Variants in VPS13B observed in about 807,000 individuals in gnomAD.
VPS13B encodes intermembrane lipid transfer protein VPS13B.
In VPS13B, 285 loss-of-function variants were observed where a neutral mutation model predicts 426.4. The ratio of observed to expected loss-of-function variants is 0.67; its 90% CI spans 0.61 to 0.74. The LOEUF (loss-of-function observed/expected upper bound fraction) is 0.74, where lower values mean the gene tolerates loss of function less well. VPS13B is among the 30% of genes least tolerant of loss of function. VPS13B has a pLI of 0.00. For missense variants in VPS13B, 4,537 were observed against 4,782.6 expected (o/e 0.95, Z 1.51); for synonymous variants, 1,676 against 1,676.4 (o/e 1.00, Z 0.01).
At chr8:99,267,739 A>G (rs1164033933) in intron 17 of VPS13B, among the ~76,000 whole-genome samples, 1 of 152,052 alleles carries the variant, frequency 6.6e-6, no homozygotes. Flanking sequence ...AAAAAAAGAA[A>G]AAAGAAAAAA....
chr8:99,603,564 T>C (rs1034493744), intron 33 of VPS13B, among the ~76,000 whole-genome samples: 4 of 152,166 alleles, frequency 2.6e-5, no homozygotes, highest in African/African-American at 7.2e-5. Context: ...TCAAGATGGC[T>C]ACTCAGTGAA....
chr8:99,679,488 T>G (rs1313474170), intron 35 of VPS13B, among the ~76,000 whole-genome samples: 4 of 152,166 alleles, frequency 2.6e-5, no homozygotes, highest in African/African-American at 9.7e-5. Context: ...AGAAAGTCAA[T>G]GTTTGATCAT....
chr8:99,383,926 A>G (rs1813975990), intron 19 of VPS13B, among the ~76,000 whole-genome samples: 2 of 152,188 alleles, frequency 1.3e-5, no homozygotes, highest in Non-Finnish European at 2.9e-5. Context: ...TGAGCATTTG[A>G]ATACAAGTTT....
intron 34 of VPS13B, among the ~76,000 whole-genome samples, chr8:99,648,944 A>AGTACCTTTTTT (rs1829698587): frequency 6.8e-6 from 1 of 146,494 alleles, no homozygotes; most frequent in Non-Finnish European, 1.5e-5. Context: ...TTCATCTGCG[A>AGTACCTTTTTT]GTACCTTTTT....
intron 33 of VPS13B, among the ~76,000 whole-genome samples, chr8:99,640,068 A>AGAAGAAGAAG (rs1326235168): frequency 8.1e-5 from 11 of 136,230 alleles, no homozygotes; most frequent in Admixed American, 4.4e-4. Flanking sequence ...AAAGAAAAGA[A>AGAAGAAGAAG]AAGAAAAGAA....
chr8:99,453,858 C>T (rs1818322103), intron 23 of VPS13B, among the ~76,000 whole-genome samples: 1 of 152,152 alleles, frequency 6.6e-6, no homozygotes, highest in Admixed American at 6.6e-5. Flanking sequence ...GATGAACCTA[C>T]AGGGATACGT....
intron 56 of VPS13B, among the ~76,000 whole-genome samples, chr8:99,857,813 C>G (rs565457707): frequency 1.3e-5 from 2 of 152,178 alleles, no homozygotes; most frequent in African/African-American, 4.8e-5. Context: ...TTGCAGTTAC[C>G]GTGAGAATTA....
At chr8:99,490,598 A>G (rs1158210134) in intron 25 of VPS13B, among the ~76,000 whole-genome samples, 1 of 152,186 alleles carries the variant, frequency 6.6e-6, no homozygotes, top group East Asian at 1.9e-4. Flanking sequence ...TGGTCTATTC[A>G]GAGATTCGAC....
intron 19 of VPS13B, among the ~76,000 whole-genome samples, chr8:99,359,405 G>A (rs1292915977): frequency 6.6e-6 from 1 of 151,908 alleles, no homozygotes. Context: ...CTGGATTGTG[G>A]GGTTTATGTA....
chr8:99,577,641 T>C lies in VPS13B; in HGVS notation c.5220+8T>C, dbSNP rs78899648. 53 of 1,613,278 alleles carry C rather than the reference T, an allele frequency of 3.3e-5. No individual in the cohort carries two copies. The East Asian group carries it at 1.2e-3, about 36-fold the overall frequency. The stretch of plus-strand genomic sequence containing the variant: ...TCAAACAAGGCTGCAGAGGTAACTG[T>C]TACCTGATTTTGATCAGGCTTACTG... On this transcript the variant is annotated splice_region_variant and intron_variant, in intron 33 of 61. Transcript: ENST00000357162.
intron 19 of VPS13B, among the ~76,000 whole-genome samples, chr8:99,318,837 T>A (rs1339944546): frequency 6.6e-6 from 1 of 152,132 alleles, no homozygotes; most frequent in African/African-American, 2.4e-5. Context: ...AATTTCTTTA[T>A]GAGAGAAGGG....
intron 19 of VPS13B, among the ~76,000 whole-genome samples, chr8:99,373,588 G>T (rs1268567951): frequency 6.6e-6 from 1 of 152,200 alleles, no homozygotes; most frequent in Non-Finnish European, 1.5e-5. Flanking sequence ...TGTGGCTCAC[G>T]CCTATAATCT....
chr8:99,540,621 C>T (rs751851489), intron 30 of VPS13B, among the ~76,000 whole-genome samples: 5 of 152,044 alleles, frequency 3.3e-5, no homozygotes, highest in Non-Finnish European at 7.4e-5. Flanking sequence ...TAGAATATTT[C>T]CTAGCTATTT....
At chr8:99,297,441 G>A (rs1332418956) in intron 19 of VPS13B, among the ~76,000 whole-genome samples, 3 of 152,100 alleles carry the variant, frequency 2.0e-5, no homozygotes, top group Non-Finnish European at 4.4e-5. Flanking sequence ...TTAAAATAAT[G>A]TTTTTTAAAT....
At chr8:99,449,505 G>A (rs535410269) in intron 23 of VPS13B, among the ~76,000 whole-genome samples, 19 of 152,228 alleles carry the variant, frequency 1.2e-4, no homozygotes, top group Admixed American at 9.8e-4. Context: ...AGGATTATCC[G>A]AAGTCATTTA....
chr8:99,620,181 A>G (rs1265884563), intron 33 of VPS13B, among the ~76,000 whole-genome samples: 1 of 152,136 alleles, frequency 6.6e-6, no homozygotes, highest in Admixed American at 6.5e-5. Flanking sequence ...TGAAAAAAAT[A>G]AGTTTACAAG....
Position 99,699,708 on chromosome 8 carries a change from G to T in VPS13B, c.6230G>T (p.Arg2077Leu), listed in dbSNP as rs747116389. The change falls in exon 36 of 62, where the codon CGT becomes CTT. Residue 2077 changes from arginine to leucine, a missense_variant. By Grantham distance (102) the Arg-to-Leu change is moderately radical (BLOSUM62 -2). This residue lies in a region of VPS13B where 4,311 missense variants were observed against 4,474.3 expected (regional missense o/e 0.96). Transcript: ENST00000357162. Reference protein sequence around the residue: ...KDDLPVSKYYRGKLSKPKIHG... With the variant: ...KDDLPVSKYYLGKLSKPKIHG... Reference sequence around the variant, plus strand: ...GATCTTCCAGTCTCCAAATATTACCGTGGAAAGTTGTCTAAACCCAAAATT... The same window carrying T: ...GATCTTCCAGTCTCCAAATATTACCTTGGAAAGTTGTCTAAACCCAAAATT... 7 of 1,613,964 alleles carry T rather than the reference G, an allele frequency of 4.3e-6. No individual in the cohort carries two copies. In the Admixed American group the frequency reaches 1.2e-4, roughly 27 times the overall value.
chr8:99,096,381 A>G lies in VPS13B; in HGVS notation c.361A>G (p.Lys121Glu). The change falls in exon 4 of 62, where the codon AAA (lysine) becomes GAA (glutamate). Residue 121 changes from lysine to glutamate, a missense_variant. Physicochemically the swap from Lys to Glu is moderately conservative, Grantham distance 56 (BLOSUM62 1). Transcript: ENST00000357162. ...STAESTKSSI[K>E]PRRMQQAAPT... The stretch of plus-strand genomic sequence containing the variant: ...TGCTGAGAGCACAAAATCATCAATC[A>G]AACCGCGGAGAATGCAGCAGGCTGC... 1.2e-6 allele frequency: 2 copies of G among 1,613,920 alleles called. No individual in the cohort carries two copies. Among genetic ancestry groups the G allele is most frequent in the Non-Finnish European group, 1.7e-6 (2 of 1,179,796 alleles).
chr8:99,357,452 C>G (rs899244283), intron 19 of VPS13B, among the ~76,000 whole-genome samples: 3 of 151,948 alleles, frequency 2.0e-5, no homozygotes, highest in African/African-American at 7.3e-5. Context: ...TGTTATGTTT[C>G]TAATAGATCT....
Sources: gnomAD v4.1 joint callset for allele counts (sites outside exome capture counted in the v4.1 genomes callset) on GRCh38, gnomAD v4.1.1 for gene constraint, gnomAD v4.1.1 regional missense constraint, MANE v1.5 for transcripts, NCBI Gene and HGNC (gene_info 2026-07-23, HGNC 2026-07-21) for gene names.